Variants in CTPS2 observed in about 807,000 individuals in gnomAD.
CTPS2 encodes CTP synthase II.
CTPS2 carries 19 observed loss-of-function variants against 46.8 expected under a neutral mutation model. The ratio of observed to expected loss-of-function variants is 0.41; its 90% CI spans 0.28 to 0.60. The LOEUF (loss-of-function observed/expected upper bound fraction) is 0.60, where lower values mean the gene tolerates loss of function less well. Ranked by LOEUF, CTPS2 falls within the 20% of genes least tolerant of loss-of-function variation. The pLI, the probability that CTPS2 is intolerant of heterozygous loss-of-function variation, is 0.35. For synonymous variants in CTPS2, 151 were observed against 165.2 expected, an observed-to-expected ratio of 0.91 and a Z score of 0.66; for missense variants, 286 against 447.6, an observed-to-expected ratio of 0.64 and a Z score of 3.26.
In CTPS2 at chrX:16,674,755, A is replaced by G. The variant is rs377505164; in HGVS notation, c.1094+3607T>C. ...CGGGAGGCTGAGGCAGGAGAATGAC[A>G]TGAACCCAGGAGGCAGAGCTTGCAG... On this transcript the variant is annotated intron_variant, in intron 10 of 18. Coordinates refer to ENST00000359276, the MANE Select transcript of CTPS2 (RefSeq NM_175859.3). 5.7e-4 allele frequency among the ~76,000 whole-genome samples: 61 copies of G among 106,305 alleles called. No homozygotes were observed. In the East Asian group the frequency reaches 7.4e-3, roughly 13 times the overall value. 92.3% of individuals were successfully genotyped at this position (106,305 alleles called of 115,157 possible).
At chrX:16,611,760 A>T (rs1022475896) in intron 16 of CTPS2, among the ~76,000 whole-genome samples, 2 of 111,445 alleles carry the variant, frequency 1.8e-5, no homozygotes, top group African/African-American at 6.5e-5. Flanking sequence ...AGAAAAATCC[A>T]GTGTAGAAAT....
intron 17 of CTPS2, among the ~76,000 whole-genome samples, chrX:16,594,423 G>A (rs1332534774): frequency 9.0e-6 from 1 of 111,726 alleles, no homozygotes; most frequent in Non-Finnish European, 1.9e-5. Context: ...AAAATGTTTT[G>A]AGAGTCAAAA....
At chrX:16,656,015 T>TAA (rs1265947487) in intron 13 of CTPS2, among the ~76,000 whole-genome samples, 1 of 110,499 alleles carries the variant, frequency 9.0e-6, no homozygotes, top group Non-Finnish European at 1.9e-5. Context: ...AGGCTGGTCT[T>TAA]AAACTCCCAA....
intron 13 of CTPS2, among the ~76,000 whole-genome samples, chrX:16,647,567 C>T (rs1384272456): frequency 2.7e-5 from 3 of 109,366 alleles, no homozygotes; most frequent in South Asian, 4.0e-4. Flanking sequence ...CGTGCCCGGC[C>T]GCATTGGGCT....
chrX:16,686,294 A>T (rs185322471), intron 8 of CTPS2, among the ~76,000 whole-genome samples: 186 of 112,162 alleles, frequency 1.7e-3, no homozygotes, highest in Middle Eastern at 0.014. Context: ...ATTTACCCTG[A>T]TGTGATTATA....
At chrX:16,663,064 C>T (rs1009782747) in intron 13 of CTPS2, among the ~76,000 whole-genome samples, 1 of 111,845 alleles carries the variant, frequency 8.9e-6, no homozygotes, top group Non-Finnish European at 1.9e-5. Flanking sequence ...GCAAGCACAC[C>T]GAAGACATCC....
At chrX:16,653,066 C>A (rs1290189364) in intron 13 of CTPS2, among the ~76,000 whole-genome samples, 2 of 110,275 alleles carry the variant, frequency 1.8e-5, no homozygotes, top group Non-Finnish European at 3.8e-5. Context: ...TGATTAAGAG[C>A]GTAAATTCAA....
At chrX:16,653,034 T>C (rs936827373) in intron 13 of CTPS2, among the ~76,000 whole-genome samples, 1 of 111,546 alleles carries the variant, frequency 9.0e-6, no homozygotes, top group African/African-American at 3.3e-5. Context: ...TACTTAGCAC[T>C]ACTGAACTGT....
intron 17 of CTPS2, among the ~76,000 whole-genome samples, chrX:16,603,565 G>T (rs73448235): frequency 0.026 from 2,829 of 110,577 alleles, 101 homozygotes; most frequent in African/African-American, 0.087. Flanking sequence ...ATAAAAGAGT[G>T]TGGGTGTGTG....
chrX:16,653,774 A>G (rs1932757230), intron 13 of CTPS2, among the ~76,000 whole-genome samples: 1 of 112,368 alleles, frequency 8.9e-6, no homozygotes, highest in Non-Finnish European at 1.9e-5. Flanking sequence ...ACGTTTGGGA[A>G]AAACTGGGCG....
chrX:16,684,811 C>T (rs180719893), intron 8 of CTPS2, among the ~76,000 whole-genome samples: 1 of 111,842 alleles, frequency 8.9e-6, no homozygotes, highest in South Asian at 3.7e-4. Context: ...AGGTAACGGG[C>T]CGGGCGTGGT....
At position 16,687,760 on chromosome X, in the gene CTPS2, G is replaced by T. The variant is rs369722461; in HGVS notation, c.872+1690C>A. The stretch of plus-strand genomic sequence containing the variant: ...ATTTTTTAAAATTGTAAATGAAAGA[G>T]CAAGAGAGCCTCAATCTGATTAGTC... On this transcript the variant is annotated intron_variant, in intron 8 of 18. Coordinates refer to ENST00000359276, the MANE Select transcript of CTPS2 (RefSeq NM_175859.3). Among the ~76,000 whole-genome samples, 5 of 110,943 alleles carry T rather than the reference G, an allele frequency of 4.5e-5. No individual in the cohort carries two copies. The East Asian group carries it at 1.1e-3, about 25-fold the overall frequency.
chrX:16,689,076 G>T (rs1569231735), intron 8 of CTPS2, among the ~76,000 whole-genome samples: 1 of 111,348 alleles, frequency 9.0e-6, no homozygotes, highest in Admixed American at 9.6e-5. Flanking sequence ...TCCCGCCTGG[G>T]TGACAGAGCA....
chrX:16,710,444 G>A (rs905086059), intron 1 of CTPS2, among the ~76,000 whole-genome samples: 1 of 112,216 alleles, frequency 8.9e-6, no homozygotes, highest in African/African-American at 3.2e-5. Context: ...TCTTGTTTAA[G>A]GCTGTCAGCC....
intron 4 of CTPS2, among the ~76,000 whole-genome samples, chrX:16,694,124 G>A (rs936174646): frequency 3.6e-5 from 4 of 110,367 alleles, no homozygotes; most frequent in South Asian, 3.8e-4. Flanking sequence ...AGATCACACC[G>A]TTGCACTCCA....
intron 17 of CTPS2, among the ~76,000 whole-genome samples, chrX:16,596,280 C>T (rs1333570560): frequency 1.4e-4 from 15 of 108,803 alleles, no homozygotes; most frequent in Non-Finnish European, 2.3e-4. Context: ...CATGCTGGTG[C>T]GCTGCACCCA....
At position 16,690,826 on chromosome X, in the gene CTPS2, C is replaced by T. The variant is rs1923631192; in HGVS notation, c.720+714G>A. 1.8e-5 allele frequency among the ~76,000 whole-genome samples: 2 copies of T among 112,362 alleles called. 1 individual carries two copies. The highest frequency in any genetic ancestry group is 6.5e-5 in the African/African-American group (2 of 30,972). On this transcript the variant is annotated intron_variant, in intron 7 of 18. Transcript: ENST00000359276. ...AGTACAGTTTCTGTACCAATGAAGT[C>T]AACTGAGCCCACTGATGGAGTCAGA...
At chrX:16,624,367 T>A (rs1931015344) in intron 14 of CTPS2, among the ~76,000 whole-genome samples, 1 of 111,906 alleles carries the variant, frequency 8.9e-6, no homozygotes, top group African/African-American at 3.2e-5. Context: ...ATGCTACCAA[T>A]GAAATTCTAT....
chrX:16,627,350 T>C (rs767738213), intron 14 of CTPS2, among the ~76,000 whole-genome samples: 1 of 112,472 alleles, frequency 8.9e-6, no homozygotes, highest in Admixed American at 9.5e-5. Flanking sequence ...AGATATTTGT[T>C]GTATTTCGCT....
Sources: gnomAD v4.1 joint callset for allele counts (sites outside exome capture counted in the v4.1 genomes callset) on GRCh38, gnomAD v4.1.1 for gene constraint, MANE v1.5 for transcripts, NCBI Gene and HGNC (gene_info 2026-07-23, HGNC 2026-07-21) for gene names.